DOCK5: variants seen among roughly 807,000 people sequenced by gnomAD.
DOCK5 encodes dedicator of cytokinesis 5, also known as dedicator of cytokinesis protein 5.
A neutral mutation model predicts 251.8 loss-of-function variants in DOCK5; 142 were observed. The ratio of observed to expected loss-of-function variants is 0.56; its 90% CI spans 0.49 to 0.65. The LOEUF is 0.65. DOCK5 is among the 30% of genes least tolerant of loss of function. The pLI, the probability that DOCK5 is intolerant of heterozygous loss-of-function variation, is 0.00. For synonymous variants in DOCK5, 842 were observed against 835.5 expected, an observed-to-expected ratio of 1.01 and a Z score of -0.13; for missense variants, 2,111 against 2,312.3, an observed-to-expected ratio of 0.91 and a Z score of 1.79.
chr8:25,299,288 G>C, intron 8 of DOCK5, 187 bp downstream of exon 8: 1 of 589,506 alleles, frequency 1.7e-6, no homozygotes, highest in Admixed American at 3.6e-5. Context: ...AGAACAATGA[G>C]GCCAGTTTGT....
At chr8:25,286,748 C>G in intron 5 of DOCK5, among the ~76,000 whole-genome samples, 1 of 152,086 alleles carries the variant, frequency 6.6e-6, no homozygotes, top group Non-Finnish European at 1.5e-5. Flanking sequence ...ACTGGTGCCT[C>G]AAACTCCCAG....
chr8:25,270,109 A>G (rs577967079), intron 3 of DOCK5, among the ~76,000 whole-genome samples: 1 of 152,360 alleles, frequency 6.6e-6, no homozygotes, highest in Admixed American at 6.5e-5. Flanking sequence ...TAGCAAAATA[A>G]AGGAATGTTT....
chr8:25,272,260 C>T (rs1027488657), intron 3 of DOCK5, among the ~76,000 whole-genome samples: 8 of 152,160 alleles, frequency 5.3e-5, no homozygotes, highest in African/African-American at 1.9e-4. Flanking sequence ...AACTTCTGGG[C>T]TCAAGCGATC....
At position 25,331,799 on chromosome 8, in the gene DOCK5, T is replaced by G. The variant is rs867866389; in HGVS notation, c.1904-452T>G. Among the ~76,000 whole-genome samples the G allele has an allele frequency of 6.0e-3, 292 of 48,902 alleles. 1 individual carries two copies. The highest frequency in any genetic ancestry group is 0.014 in the African/African-American group (269 of 18,994). The allele number at this position is 48,902 out of a possible 152,430, so 32.1% of individuals were successfully genotyped here. Reference sequence around the variant, plus strand: ...ATTAATGCATATATATATATATATATATAGAGAGAGAGAGAGAGAGAGAGA... The same window carrying G: ...ATTAATGCATATATATATATATATAGATAGAGAGAGAGAGAGAGAGAGAGA... On this transcript the variant is annotated intron_variant, in intron 18 of 51. Transcript: ENST00000276440.
At chr8:25,322,242 A>C (rs1221525202) in intron 16 of DOCK5, among the ~76,000 whole-genome samples, 3 of 152,224 alleles carry the variant, frequency 2.0e-5, no homozygotes, top group Admixed American at 1.3e-4. Flanking sequence ...GATGAACGAA[A>C]AAGTGGGTGG....
At chr8:25,397,546 C>T (rs1182203500) in intron 45 of DOCK5, among the ~76,000 whole-genome samples, 2 of 152,178 alleles carry the variant, frequency 1.3e-5, no homozygotes, top group Non-Finnish European at 2.9e-5. Flanking sequence ...CTAGTTTCTC[C>T]ATGTTAGGTG....
At chr8:25,354,683 A>G (rs1352028586) in intron 27 of DOCK5, among the ~76,000 whole-genome samples, 1 of 152,252 alleles carries the variant, frequency 6.6e-6, no homozygotes. Context: ...ACAGTCGCGA[A>G]GAGAGATGTG....
Position 25,384,455 on chromosome 8 carries a change from A to ATTTT in DOCK5, c.4131+1680_4131+1681insTTTT, listed in dbSNP as rs1294643896. ...ATTTTATTTATTTATTTATTTATTT[A>ATTTT]TTTATTTATTTTTTTTTTTTTTGAG... On this transcript the variant is annotated intron_variant, in intron 40 of 51. Coordinates refer to ENST00000276440, the MANE Select transcript of DOCK5 (RefSeq NM_024940.8). 2.4e-4 allele frequency among the ~76,000 whole-genome samples: 11 copies of ATTTT among 45,208 alleles called. 1 individual carries two copies. The highest frequency in any genetic ancestry group is 2.1e-3 in the South Asian group (3 of 1,400). 29.7% of individuals were successfully genotyped at this position (45,208 alleles called of 152,430 possible). A position where few individuals can be genotyped will look rare whatever the true frequency, so the allele number is the denominator to read the frequency against.
chr8:25,358,937 G>A (rs369531805), intron 27 of DOCK5, 26 bp from the exon 28 acceptor site: 1 of 1,606,928 alleles, frequency 6.2e-7, no homozygotes, highest in Admixed American at 1.7e-5. Flanking sequence ...AGGAGTCTTG[G>A]ATTTGTGCTT....
chr8:25,231,102 T>C (rs549774246), intron 1 of DOCK5, among the ~76,000 whole-genome samples: 1 of 152,270 alleles, frequency 6.6e-6, no homozygotes, highest in African/African-American at 2.4e-5. Context: ...TACACATATG[T>C]ATATGCAAAT....
intron 36 of DOCK5, 34 bp downstream of exon 36, chr8:25,373,692 T>C: frequency 6.4e-7 from 1 of 1,560,462 alleles, no homozygotes; most frequent in Non-Finnish European, 8.7e-7. Context: ...TTCTGCTGTT[T>C]ATTTCATGGC....
intron 2 of DOCK5, among the ~76,000 whole-genome samples, chr8:25,245,299 G>A (rs559591966): frequency 3.3e-5 from 5 of 152,134 alleles, no homozygotes; most frequent in South Asian, 2.1e-4. Flanking sequence ...CTCGTGATCC[G>A]CCTGCCTTGG....
intron 1 of DOCK5, among the ~76,000 whole-genome samples, chr8:25,239,873 A>G (rs964701450): frequency 1.3e-5 from 2 of 152,182 alleles, no homozygotes; most frequent in African/African-American, 2.4e-5. Flanking sequence ...CCAGGAGTGC[A>G]GGAGAGCACT....
intron 30 of DOCK5, among the ~76,000 whole-genome samples, chr8:25,365,402 C>G (rs1800758526): frequency 1.3e-5 from 2 of 152,194 alleles, no homozygotes; most frequent in African/African-American, 4.8e-5. Context: ...TCCTTGACTA[C>G]AGATTGTCCA....
chr8:25,403,761 G>A (rs878857728), intron 48 of DOCK5, 37 bp downstream of exon 48: 3 of 1,605,604 alleles, frequency 1.9e-6, no homozygotes, highest in South Asian at 1.1e-5. Flanking sequence ...GAAGGGTGGG[G>A]TAACGCCTTA....
At chr8:25,228,951 C>A (rs1316464720) in intron 1 of DOCK5, among the ~76,000 whole-genome samples, 1 of 151,684 alleles carries the variant, frequency 6.6e-6, no homozygotes, top group Non-Finnish European at 1.5e-5. Context: ...AATTTGTGGG[C>A]TGGGCACAGT....
At chr8:25,368,812 CT>C (rs1334153250) in intron 33 of DOCK5, 87 bp downstream of exon 33, 2 of 1,318,364 alleles carry the variant, frequency 1.5e-6, no homozygotes, top group African/African-American at 3.0e-5. Flanking sequence ...AAGCAGTAAC[CT>C]TAATAATGCA....
chr8:25,370,936 C>T (rs1042288054), intron 34 of DOCK5, among the ~76,000 whole-genome samples: 4 of 152,172 alleles, frequency 2.6e-5, no homozygotes, highest in Admixed American at 1.3e-4. Context: ...TGAGCCACCA[C>T]GTCTGGCCTA....
intron 1 of DOCK5, among the ~76,000 whole-genome samples, chr8:25,229,831 T>G (rs1339056275): frequency 6.6e-6 from 1 of 152,210 alleles, no homozygotes; most frequent in African/African-American, 2.4e-5. Flanking sequence ...ATTCCTCCAC[T>G]GTTTTTATTG....
Sources: gnomAD v4.1 joint callset for allele counts (sites outside exome capture counted in the v4.1 genomes callset) on GRCh38, gnomAD v4.1.1 for gene constraint, MANE v1.5 for transcripts, NCBI Gene and HGNC (gene_info 2026-07-23, HGNC 2026-07-21) for gene names.